The following LRRC8A variants were observed in gnomAD, a reference collection of about 807,000 sequenced individuals.
LRRC8A encodes leucine rich repeat containing 8 VRAC subunit A.
A neutral mutation model predicts 52.5 loss-of-function variants in LRRC8A; 24 were observed. The observed-to-expected ratio is 0.46, with a 90% confidence interval of 0.33 to 0.64. LRRC8A has a LOEUF of 0.64. LRRC8A is among the 30% of genes least tolerant of loss of function. LRRC8A has a pLI of 0.02. For missense variants in LRRC8A, 677 were observed against 1,094.7 expected (o/e 0.62, Z 5.38); for synonymous variants, 492 against 494.2 (o/e 1.00, Z 0.06).
intron 2 of LRRC8A, among the ~76,000 whole-genome samples, chr9:128,890,664 A>T (rs1172030512): frequency 6.6e-6 from 1 of 152,046 alleles, no homozygotes; most frequent in Non-Finnish European, 1.5e-5. Flanking sequence ...CAGACCCCCC[A>T]GTCCTCCCCC....
At position 128,882,261 on chromosome 9, in the gene LRRC8A, G is replaced by C. The variant is rs1312343958; in HGVS notation, c.-116+11G>C. On this transcript the variant is annotated intron_variant, in intron 1 of 3. Coordinates refer to ENST00000372600, the MANE Select transcript of LRRC8A (RefSeq NM_019594.4). ...GCGCGGCGAGCCCAGGTGAGTGGAC[G>C]GGGTGGGGAAAGGGGCGCGAGCTGT... The C allele has an allele frequency of 6.6e-6, 1 of 152,664 alleles. No individual in the cohort carries two copies. Among genetic ancestry groups the C allele is most frequent in the African/African-American group, 2.4e-5 (1 of 41,414 alleles). 9.5% of individuals were successfully genotyped at this position (152,664 alleles called of 1,614,324 possible). A position where few individuals can be genotyped will look rare whatever the true frequency, so the allele number is the denominator to read the frequency against.
intron 1 of LRRC8A, 155 bp downstream of exon 1, chr9:128,882,405 A>C: frequency 2.6e-5 from 7 of 267,354 alleles, no homozygotes; most frequent in East Asian, 6.2e-5. Context: ...TGTTCGGCCT[A>C]CCTCTGGGCT....
Position 128,907,949 on chromosome 9 carries a change from G to A in LRRC8A, c.785G>A (p.Arg262His), listed in dbSNP as rs1200292571. ...THVEEGDIVY[R>H]LYMRQTIIKV... is the part of the protein sequence containing the mutation. ...GTGGAGGAGGGGGACATTGTGTACC[G>A]CCTCTACATGCGGCAGACCATCATC... The change falls in exon 3 of 4, where the codon CGC (arginine) becomes CAC (histidine). Residue 262 changes from arginine (R) to histidine (H), a missense_variant. Physicochemically the swap from Arg to His is conservative, Grantham distance 29 (BLOSUM62 0). Coordinates refer to ENST00000372600, the MANE Select transcript of LRRC8A (RefSeq NM_019594.4). The surrounding 1 kb of genome is among the most constrained non-coding windows in gnomAD (Gnocchi z 9.3). 2.5e-5 allele frequency: 41 copies of A among 1,613,978 alleles called. No individual in the cohort carries two copies. The highest frequency in any genetic ancestry group is 1.6e-4 in the Middle Eastern group (1 of 6,084).
intron 3 of LRRC8A, among the ~76,000 whole-genome samples, chr9:128,913,892 G>T (rs1460928477): frequency 6.6e-6 from 1 of 152,188 alleles, no homozygotes; most frequent in Non-Finnish European, 1.5e-5. Context: ...ACACAGGTTA[G>T]GAGCCTTTTT....
chr9:128,882,802 AGACCGGTCCG>A (rs1325834258), intron 1 of LRRC8A: 11 of 398,628 alleles, frequency 2.8e-5, no homozygotes, highest in Non-Finnish European at 4.4e-5. Context: ...ATATTTGGGA[AGACCGGTCCG>A]GAATCTAAGA....
In LRRC8A at chr9:128,911,119, G is replaced by A. The variant is rs549165780; in HGVS notation, c.2157+1798G>A. Among the ~76,000 whole-genome samples, 61 of 152,214 alleles carry A rather than the reference G, an allele frequency of 4.0e-4. No individual in the cohort carries two copies. The highest frequency in any genetic ancestry group is 1.5e-3 in the African/African-American group (61 of 41,538). On this transcript the variant is annotated intron_variant, in intron 3 of 3. Coordinates refer to ENST00000372600, the MANE Select transcript of LRRC8A (RefSeq NM_019594.4). The surrounding 1 kb of genome is among the most constrained non-coding windows in gnomAD (Gnocchi z 4.9). ...TATAGTATCCTCAGGCACGGAGGGAGGTGGCCCCTGGAATGCCCTGTCTGT... is the reference window on the plus strand; with the variant it reads ...TATAGTATCCTCAGGCACGGAGGGAAGTGGCCCCTGGAATGCCCTGTCTGT...
intron 2 of LRRC8A, among the ~76,000 whole-genome samples, chr9:128,901,350 G>T (rs1840016949): frequency 6.6e-6 from 1 of 152,094 alleles, no homozygotes; most frequent in Non-Finnish European, 1.5e-5. Context: ...TGTAGTGCCA[G>T]CTGCTTGGGA....
intron 3 of LRRC8A, among the ~76,000 whole-genome samples, chr9:128,910,961 G>A (rs1452040960): frequency 6.6e-6 from 1 of 152,178 alleles, no homozygotes; most frequent in Non-Finnish European, 1.5e-5. Context: ...GTGGGCACCT[G>A]CTCTGTGTTC....
chr9:128,909,538 C>T lies in LRRC8A; in HGVS notation c.2157+217C>T, dbSNP rs1003254784. The stretch of plus-strand genomic sequence containing the variant: ...GGCCTGCTGAATCCGAATCTCTGGG[C>T]CCCGGGCCTGTCTTTGCTCCAAAAT... On this transcript the variant is annotated intron_variant, in intron 3 of 3. Transcript: ENST00000372600. Among the ~76,000 whole-genome samples the T allele has an allele frequency of 2.0e-5, 3 of 152,250 alleles. No homozygotes were observed. In the East Asian group the frequency reaches 5.8e-4, roughly 29 times the overall value.
chr9:128,897,758 G>A (rs1486251691), intron 2 of LRRC8A, among the ~76,000 whole-genome samples: 2 of 151,822 alleles, frequency 1.3e-5, no homozygotes, highest in African/African-American at 4.8e-5. Context: ...TAGTCAGGCT[G>A]GTCTCAAACT....
chr9:128,885,372 T>G (rs1346784705), intron 1 of LRRC8A: 2 of 152,222 alleles, frequency 1.3e-5, no homozygotes, highest in African/African-American at 4.8e-5. Flanking sequence ...CCAGATGCCA[T>G]GTACTCTCTC....
At chr9:128,903,568 A>G (rs1202470918) in intron 2 of LRRC8A, among the ~76,000 whole-genome samples, 1 of 151,686 alleles carries the variant, frequency 6.6e-6, no homozygotes, top group Non-Finnish European at 1.5e-5. Flanking sequence ...GCCTGCCACT[A>G]TGCCCGGCTA....
chr9:128,916,238 A>C lies in LRRC8A; in HGVS notation c.2300A>C (p.Glu767Ala), dbSNP rs771624809. 2.0e-5 allele frequency: 32 copies of C among 1,613,790 alleles called. No individual in the cohort carries two copies. Among genetic ancestry groups the C allele is most frequent in the Non-Finnish European group, 2.7e-5 (32 of 1,179,974 alleles). Residue 767 changes from glutamate to alanine, a missense_variant, in exon 4 of 4, where the codon GAG becomes GCG. Glu to Ala is a moderately radical substitution (Grantham distance 107). Around this residue, in one of 4 missense-constraint regions of LRRC8A, gnomAD observed 169 missense variants for 217.6 expected, o/e 0.78. Transcript: ENST00000372600. This position sits in a 1 kb window ranked among gnomAD's most constrained non-coding sequence, Gnocchi z 6.1. ...TQIELRGNRL[E>A]CLPVELGECP... ...ATCGAGCTGCGGGGCAACCGGCTGGAGTGCCTGCCTGTGGAGCTGGGCGAG... is the reference window on the plus strand; with the variant it reads ...ATCGAGCTGCGGGGCAACCGGCTGGCGTGCCTGCCTGTGGAGCTGGGCGAG...
Position 128,882,250 on chromosome 9 carries a change from G to A in LRRC8A, c.-116G>A, listed in dbSNP as rs1452212937. 1.3e-5 allele frequency: 2 copies of A among 152,694 alleles called. No homozygotes were observed. Among genetic ancestry groups the A allele is most frequent in the Non-Finnish European group, 1.5e-5 (1 of 68,222 alleles). The allele number at this position is 152,694 out of a possible 1,614,324, so 9.5% of individuals were successfully genotyped here. On this transcript the variant is annotated splice_region_variant and 5_prime_UTR_variant, in exon 1 of 4. Transcript: ENST00000372600. ...CGGGCGGCCGGGCGCGGCGAGCCCAGGTGAGTGGACGGGGTGGGGAAAGGG... is the reference window on the plus strand; with the variant it reads ...CGGGCGGCCGGGCGCGGCGAGCCCAAGTGAGTGGACGGGGTGGGGAAAGGG...
At chr9:128,890,645 A>T (rs1014003675) in intron 2 of LRRC8A, among the ~76,000 whole-genome samples, 2 of 151,996 alleles carry the variant, frequency 1.3e-5, no homozygotes, top group African/African-American at 4.8e-5. Context: ...CAGGCAGCTC[A>T]CCCTCTGTCA....
At chr9:128,890,136 G>GTC (rs1839552103) in intron 2 of LRRC8A, among the ~76,000 whole-genome samples, 1 of 147,582 alleles carries the variant, frequency 6.8e-6, no homozygotes, top group Non-Finnish European at 1.5e-5. Flanking sequence ...CATTTTGTGT[G>GTC]TGTGTGTGTG....
chr9:128,900,705 CAAAATA>C (rs1229269960), intron 2 of LRRC8A, among the ~76,000 whole-genome samples: 4 of 151,970 alleles, frequency 2.6e-5, no homozygotes, highest in African/African-American at 7.3e-5. Flanking sequence ...GACTCCGTCT[CAAAATA>C]AAAATAAAAA....
At chr9:128,889,483 T>TG (rs1442822678) in intron 2 of LRRC8A, among the ~76,000 whole-genome samples, 7 of 151,352 alleles carry the variant, frequency 4.6e-5, no homozygotes, top group African/African-American at 1.7e-4. Context: ...AGGTTTTTTT[T>TG]TTTTTGTTTA....
At chr9:128,905,205 C>G (rs1391460185) in intron 2 of LRRC8A, among the ~76,000 whole-genome samples, 1 of 152,116 alleles carries the variant, frequency 6.6e-6, no homozygotes, top group African/African-American at 2.4e-5. Context: ...ATAAAATACA[C>G]AGAAAGGACT....
Sources: gnomAD v4.1 joint callset for allele counts (sites outside exome capture counted in the v4.1 genomes callset) on GRCh38, gnomAD v4.1.1 for gene constraint, gnomAD v4.1.1 regional missense constraint, Gnocchi (gnomAD v3.1) non-coding constraint, MANE v1.5 for transcripts, NCBI Gene and HGNC (gene_info 2026-07-23, HGNC 2026-07-21) for gene names.